VAV2: variants seen among roughly 807,000 people sequenced by gnomAD.
VAV2 encodes the protein vav guanine nucleotide exchange factor 2.
A neutral mutation model predicts 132.5 loss-of-function variants in VAV2; 67 were observed. That is an observed-to-expected ratio of 0.51 (90% CI 0.42 to 0.62). The LOEUF (loss-of-function observed/expected upper bound fraction) is 0.62. VAV2 is among the 20% of genes least tolerant of loss of function. The pLI is 0.00. For missense variants in VAV2, 938 were observed against 1,153.6 expected (o/e 0.81, Z 2.71); for synonymous variants, 492 against 443.5 (o/e 1.11, Z -1.37).
intron 2 of VAV2, among the ~76,000 whole-genome samples, chr9:133,922,511 G>T (rs1412366942): frequency 1.3e-5 from 2 of 152,172 alleles, no homozygotes; most frequent in Admixed American, 6.5e-5. Flanking sequence ...CTGCCAACCC[G>T]CAGGCTGTAT....
Position 133,770,499 on chromosome 9 carries a change from C to A in VAV2, c.2226G>T (p.Glu742Asp). The A allele has an allele frequency of 1.2e-6, 2 of 1,613,976 alleles. No homozygotes were observed. Among genetic ancestry groups the A allele is most frequent in the African/African-American group, 2.7e-5 (2 of 75,042 alleles). ...TEAKKFDSLL[E>D]LVEYYQCHSL... is the part of the protein sequence containing the mutation. ...AGTGGCACTGGTAGTACTCCACCAA[C>A]TCCTGCAGGGCGTACACACTCACTG... Residue 742 changes from glutamate to aspartate, a missense_variant and splice_region_variant, in exon 27 of 30, where the codon GAG (glutamate) becomes GAT (aspartate). Glu to Asp is a conservative substitution (Grantham distance 45). Coordinates refer to ENST00000371850, the MANE Select transcript of VAV2 (RefSeq NM_001134398.2).
intron 2 of VAV2, among the ~76,000 whole-genome samples, chr9:133,862,125 C>A (rs1310413611): frequency 1.3e-5 from 2 of 152,240 alleles, no homozygotes; most frequent in Non-Finnish European, 2.9e-5. Context: ...AGTAGCCGCT[C>A]CTCCTCCCTC....
chr9:133,975,453 C>A (rs985605923), intron 1 of VAV2, among the ~76,000 whole-genome samples: 1 of 152,210 alleles, frequency 6.6e-6, no homozygotes, highest in East Asian at 1.9e-4. Flanking sequence ...AACTTGCCAG[C>A]CCTGGGCAGA....
At chr9:133,765,929 G>A (rs535247465) in intron 29 of VAV2, among the ~76,000 whole-genome samples, 2 of 152,226 alleles carry the variant, frequency 1.3e-5, no homozygotes, top group South Asian at 2.1e-4. Flanking sequence ...GAAATTGTAC[G>A]TTTGAAATTT....
Position 133,857,432 on chromosome 9 carries a change from C to T in VAV2, c.380+3942G>A, listed in dbSNP as rs2131856150. Among the ~76,000 whole-genome samples, 1 of 152,288 alleles carries T rather than the reference C, an allele frequency of 6.6e-6. No homozygotes were observed. The highest frequency in any genetic ancestry group is 1.9e-4 in the East Asian group (1 of 5,186). On this transcript the variant is annotated intron_variant, in intron 3 of 29. Transcript: ENST00000371850. The surrounding 1 kb of genome is among the most constrained non-coding windows in gnomAD (Gnocchi z 4.0). Reference sequence around the variant, plus strand: ...AATTGGGGCTTTTATGGAAAATCAGCTCATTATGCAAAGTGCAAGGGTTGT... The same window carrying T: ...AATTGGGGCTTTTATGGAAAATCAGTTCATTATGCAAAGTGCAAGGGTTGT...
Position 133,814,685 on chromosome 9 carries a change from C to T in VAV2, c.450-2469G>A, listed in dbSNP as rs144703107. Among the ~76,000 whole-genome samples the T allele has an allele frequency of 1.9e-3, 295 of 152,386 alleles. 1 individual carries two copies. Among genetic ancestry groups the T allele is most frequent in the African/African-American group, 6.1e-3 (253 of 41,592 alleles). ...CGTGCAGGGATGGCAAACGGCCACACTGTGGGGTGTCCCAACAGAGCCCAG... is the reference window on the plus strand; with the variant it reads ...CGTGCAGGGATGGCAAACGGCCACATTGTGGGGTGTCCCAACAGAGCCCAG... On this transcript the variant is annotated intron_variant, in intron 4 of 29. Coordinates refer to ENST00000371850, the MANE Select transcript of VAV2 (RefSeq NM_001134398.2).
chr9:133,786,525 C>T (rs975141499), intron 16 of VAV2, among the ~76,000 whole-genome samples: 1 of 151,958 alleles, frequency 6.6e-6, no homozygotes, highest in Non-Finnish European at 1.5e-5. Flanking sequence ...AGCGCAGGGC[C>T]CCACCCAGGG....
chr9:133,940,207 T>C lies in VAV2; in HGVS notation c.205-988A>G, dbSNP rs140401194. Among the ~76,000 whole-genome samples the C allele has an allele frequency of 4.8e-3, 724 of 152,280 alleles. 7 individuals are homozygous for C. Among genetic ancestry groups the C allele is most frequent in the African/African-American group, 0.017 (696 of 41,538 alleles). On this transcript the variant is annotated intron_variant, in intron 1 of 29. Coordinates refer to ENST00000371850, the MANE Select transcript of VAV2 (RefSeq NM_001134398.2). ...TCACGGGATTAATCATGTGCCCTGA[T>C]GACCAGAGTGGGCACTGGGGTGTGG...
Position 133,772,014 on chromosome 9 carries a change from A to G in VAV2, c.2168T>C (p.Val723Ala), listed in dbSNP as rs759935502. 8.7e-6 allele frequency: 14 copies of G among 1,613,874 alleles called. No homozygotes were observed. Among genetic ancestry groups the G allele is most frequent in the African/African-American group, 1.3e-5 (1 of 74,886 alleles). The change falls in exon 26 of 30, where the codon GTG becomes GCG. Residue 723 changes from valine (V) to alanine (A), a missense_variant. Coordinates refer to ENST00000371850, the MANE Select transcript of VAV2 (RefSeq NM_001134398.2). Reference sequence around the variant, plus strand: ...GATGTGGATCCAGTTGTCCTTCTCCACCACCTTGATGTGCTTCACCTCATC... The same window carrying G: ...GATGTGGATCCAGTTGTCCTTCTCCGCCACCTTGATGTGCTTCACCTCATC... ...FNDEVKHIKV[V>A]EKDNWIHITE... is the part of the protein sequence containing the mutation.
chr9:133,930,199 G>A (rs774962522), intron 2 of VAV2, among the ~76,000 whole-genome samples: 55 of 152,098 alleles, frequency 3.6e-4, no homozygotes, highest in African/African-American at 9.9e-4. Flanking sequence ...CAGCCCCACC[G>A]GCCTCCACTC....
chr9:133,797,864 G>C (rs1174705689), intron 9 of VAV2, 55 bp from the exon 10 acceptor site: 1 of 1,536,262 alleles, frequency 6.5e-7, no homozygotes, highest in Non-Finnish European at 8.9e-7. Context: ...GCAGCTCGGG[G>C]CTGCAGTGAG....
chr9:133,937,370 T>C (rs551866147), intron 2 of VAV2, among the ~76,000 whole-genome samples: 2 of 150,626 alleles, frequency 1.3e-5, no homozygotes, highest in East Asian at 3.9e-4. Flanking sequence ...TGTGTGTTTG[T>C]GTGTGGTGTG....
intron 18 of VAV2, 89 bp from the exon 19 acceptor site, chr9:133,783,680 G>A: frequency 8.5e-7 from 1 of 1,179,456 alleles, no homozygotes; most frequent in Non-Finnish European, 1.3e-6. Flanking sequence ...TCCCCACCCA[G>A]GCTCACCTGG....
intron 2 of VAV2, among the ~76,000 whole-genome samples, chr9:133,886,013 G>T (rs574486019): frequency 6.6e-6 from 1 of 152,196 alleles, no homozygotes; most frequent in Non-Finnish European, 1.5e-5. Flanking sequence ...CAGGAGACTG[G>T]TCTGGTCCCA....
At chr9:133,964,087 T>C (rs939554236) in intron 1 of VAV2, among the ~76,000 whole-genome samples, 4 of 141,126 alleles carry the variant, frequency 2.8e-5, no homozygotes, top group African/African-American at 7.6e-5. Flanking sequence ...AGGCCAGGTA[T>C]GTTGGCTCAT....
At chr9:133,990,464 A>G (rs1358458893) in intron 1 of VAV2, among the ~76,000 whole-genome samples, 2 of 152,058 alleles carry the variant, frequency 1.3e-5, no homozygotes, top group African/African-American at 2.4e-5. Flanking sequence ...GGGGAGGGGC[A>G]GCCCCCGGAC....
chr9:133,962,816 TTAAGAG>T (rs1842008646), intron 1 of VAV2, among the ~76,000 whole-genome samples: 1 of 152,232 alleles, frequency 6.6e-6, no homozygotes, highest in African/African-American at 2.4e-5. Context: ...TTTTATGTTA[TTAAGAG>T]TATCTTTTCT....
intron 2 of VAV2, among the ~76,000 whole-genome samples, chr9:133,893,956 T>C (rs370884938): frequency 8.5e-5 from 13 of 152,122 alleles, no homozygotes; most frequent in African/African-American, 2.7e-4. Context: ...ATCTCCACCT[T>C]ACATCTGCAG....
chr9:133,849,023 G>C (rs192674242), intron 3 of VAV2, among the ~76,000 whole-genome samples: 1 of 152,216 alleles, frequency 6.6e-6, no homozygotes, highest in East Asian at 1.9e-4. Flanking sequence ...AAAATGAGCC[G>C]ATAATGTTAC....
Sources: gnomAD v4.1 joint callset for allele counts (sites outside exome capture counted in the v4.1 genomes callset) on GRCh38, gnomAD v4.1.1 for gene constraint, Gnocchi (gnomAD v3.1) non-coding constraint, MANE v1.5 for transcripts, NCBI Gene and HGNC (gene_info 2026-07-23, HGNC 2026-07-21) for gene names.